CTNNA1: variants seen among roughly 807,000 people sequenced by gnomAD.
CTNNA1 encodes the protein catenin alpha 1, also known as catenin alpha-1.
A neutral mutation model predicts 98.4 loss-of-function variants in CTNNA1; 37 were observed. The observed-to-expected ratio is 0.38, with a 90% CI of 0.29 to 0.49. CTNNA1 has a LOEUF of 0.49. Among genes scored for constraint, CTNNA1 ranks in the 20% least tolerant of loss-of-function variants. CTNNA1 has a pLI of 0.95. For synonymous variants in CTNNA1, 404 were observed against 413.2 expected (o/e 0.98, Z 0.27); for missense variants, 761 against 1,147.2 (o/e 0.66, Z 4.86).
In CTNNA1 at chr5:138,873,644, A is replaced by G. The variant is rs1488687473; in HGVS notation, c.1063-12568A>G. 5 of 1,613,952 alleles carry G rather than the reference A, an allele frequency of 3.1e-6. No homozygotes were observed. Among genetic ancestry groups the G allele is most frequent in the Non-Finnish European group, 4.2e-6 (5 of 1,179,906 alleles). Reference sequence around the variant, plus strand: ...TTCCCACAGATTGCCAGAGAGACCAACGGTTGTGAGGGATCTCAGGGAGTT... The same window carrying G: ...TTCCCACAGATTGCCAGAGAGACCAGCGGTTGTGAGGGATCTCAGGGAGTT... On this transcript the variant is annotated intron_variant, in intron 7 of 17. Transcript: ENST00000302763. This position sits in a 1 kb window ranked among gnomAD's most constrained non-coding sequence, Gnocchi z 6.1.
At chr5:138,788,942 T>G (rs1170350122) in intron 3 of CTNNA1, among the ~76,000 whole-genome samples, 1 of 152,252 alleles carries the variant, frequency 6.6e-6, no homozygotes, top group African/African-American at 2.4e-5. Context: ...TGGGCATTTC[T>G]GGGTCAGTGA....
At chr5:138,795,890 C>G (rs897217214) in intron 3 of CTNNA1, among the ~76,000 whole-genome samples, 1 of 152,040 alleles carries the variant, frequency 6.6e-6, no homozygotes, top group African/African-American at 2.4e-5. Flanking sequence ...AATTTTGTAT[C>G]CTAGAGATGA....
chr5:138,757,898 C>G (rs1212473139), intron 1 of CTNNA1, among the ~76,000 whole-genome samples: 1 of 152,222 alleles, frequency 6.6e-6, no homozygotes, highest in African/African-American at 2.4e-5. Context: ...TTTGGGCAAA[C>G]TGAGAACCAT....
At position 138,812,409 on chromosome 5, in the gene CTNNA1, A is replaced by C. The variant is rs958346750; in HGVS notation, c.588+107A>C. On this transcript the variant is annotated intron_variant, in intron 5 of 17. Transcript: ENST00000302763. Reference sequence around the variant, plus strand: ...AGTACCATTACTTACCTTCGCCAATATAGTTCCATTAAAACATTTAAACTA... The same window carrying C: ...AGTACCATTACTTACCTTCGCCAATCTAGTTCCATTAAAACATTTAAACTA... 2.0e-5 allele frequency: 25 copies of C among 1,229,034 alleles called. No homozygotes were observed. In the African/African-American group the frequency reaches 2.8e-4, roughly 14 times the overall value. 76.1% of individuals were successfully genotyped at this position (1,229,034 alleles called of 1,614,324 possible).
chr5:138,781,510 C>T (rs974273812), intron 1 of CTNNA1, among the ~76,000 whole-genome samples: 10 of 150,798 alleles, frequency 6.6e-5, no homozygotes, highest in Admixed American at 4.0e-4. Flanking sequence ...GAGCTGAGAT[C>T]CACCACTGCC....
intron 7 of CTNNA1, among the ~76,000 whole-genome samples, chr5:138,864,139 G>A (rs533541600): frequency 8.5e-5 from 13 of 152,290 alleles, no homozygotes; most frequent in African/African-American, 2.9e-4. Context: ...TGTATTTTTA[G>A]TAGAGACAGG....
intron 7 of CTNNA1, among the ~76,000 whole-genome samples, chr5:138,838,883 G>A (rs1401967128): frequency 6.6e-6 from 1 of 151,720 alleles, no homozygotes; most frequent in African/African-American, 2.4e-5. Flanking sequence ...CTCCCACCTC[G>A]GCCTCCCAAA....
At chr5:138,845,516 C>T (rs1031248964) in intron 7 of CTNNA1, among the ~76,000 whole-genome samples, 3 of 152,282 alleles carry the variant, frequency 2.0e-5, no homozygotes, top group South Asian at 4.1e-4. Context: ...TAGATAGTAT[C>T]GACTAAGACA....
At chr5:138,838,025 C>G (rs917551302) in intron 7 of CTNNA1, among the ~76,000 whole-genome samples, 1 of 152,216 alleles carries the variant, frequency 6.6e-6, no homozygotes, top group African/African-American at 2.4e-5. Context: ...AATCAGCTCC[C>G]CAGTAGCTGG....
Position 138,934,047 on chromosome 5 carries a change from G to T in CTNNA1, c.2679G>T (p.Pro893=), listed in dbSNP as rs1059181. The change falls in exon 18 of 18, where the codon CCG becomes CCT. Residue 893 remains proline, a synonymous_variant. Coordinates refer to ENST00000302763, the MANE Select transcript of CTNNA1 (RefSeq NM_001903.5). ...CATCTCAGAAGAAGCACGTGAACCC[G>T]GTGCAGGCCCTCAGCGAGTTCAAAG... The part of the protein sequence containing the change: ...KRASQKKHVN[P]VQALSEFKAM... The T allele has an allele frequency of 6.2e-7, 1 of 1,613,624 alleles. No individual in the cohort carries two copies.
chr5:138,891,511 A>T (rs1051336795), intron 9 of CTNNA1, among the ~76,000 whole-genome samples: 1 of 152,202 alleles, frequency 6.6e-6, no homozygotes, highest in African/African-American at 2.4e-5. Context: ...CTGTAATCCT[A>T]ACATTTTTGG....
At chr5:138,758,899 C>G (rs541652084) in intron 1 of CTNNA1, among the ~76,000 whole-genome samples, 1 of 151,018 alleles carries the variant, frequency 6.6e-6, no homozygotes, top group East Asian at 2.0e-4. Flanking sequence ...TGCCTCCTGG[C>G]TTTAAGCGAT....
Position 138,933,987 on chromosome 5 carries a change from G to T in CTNNA1, c.2619G>T (p.Glu873Asp), listed in dbSNP as rs376239375. The T allele has an allele frequency of 2.5e-6, 4 of 1,614,162 alleles. No individual in the cohort carries two copies. Among genetic ancestry groups the T allele is most frequent in the Non-Finnish European group, 3.4e-6 (4 of 1,180,030 alleles). The change falls in exon 18 of 18, where the codon GAG (glutamate) becomes GAT (aspartate). Residue 873 changes from glutamate (E) to aspartate (D), a missense_variant. By Grantham distance (45) the Glu-to-Asp change is conservative. Coordinates refer to ENST00000302763, the MANE Select transcript of CTNNA1 (RefSeq NM_001903.5). ...AGAAAAAGCCATTGGTGAAGAGAGA[G>T]AAACAGGATGAGACACAGACCAAGA... Reference protein sequence around the residue: ...APEKKPLVKREKQDETQTKIK... With the variant: ...APEKKPLVKRDKQDETQTKIK...
intron 3 of CTNNA1, among the ~76,000 whole-genome samples, chr5:138,784,633 C>G (rs1755475145): frequency 6.6e-6 from 1 of 152,142 alleles, no homozygotes. Flanking sequence ...TTATTACAAG[C>G]TTGGTGGCTT....
intron 3 of CTNNA1, among the ~76,000 whole-genome samples, chr5:138,787,477 AAG>A (rs1755837962): frequency 6.6e-6 from 1 of 152,058 alleles, no homozygotes; most frequent in Non-Finnish European, 1.5e-5. Flanking sequence ...TTGATTTGGG[AAG>A]CAGCTATAGA....
At chr5:138,759,103 A>T (rs1033804546) in intron 1 of CTNNA1, among the ~76,000 whole-genome samples, 7 of 152,298 alleles carry the variant, frequency 4.6e-5, no homozygotes, top group Admixed American at 2.0e-4. Context: ...GTGCCCAGCA[A>T]CTGGGACAGT....
chr5:138,886,659 A>G (rs759381566), intron 8 of CTNNA1, among the ~76,000 whole-genome samples: 2 of 152,174 alleles, frequency 1.3e-5, no homozygotes, highest in African/African-American at 2.4e-5. Flanking sequence ...GACTTGCCCT[A>G]TACTCATTAC....
At chr5:138,806,973 A>G (rs2149718683) in intron 3 of CTNNA1, among the ~76,000 whole-genome samples, 1 of 151,870 alleles carries the variant, frequency 6.6e-6, no homozygotes, top group African/African-American at 2.4e-5. Flanking sequence ...ACAGAATTTT[A>G]AAAATATGTG....
At chr5:138,799,892 G>GTATGTATGTATGTA (rs1457322147) in intron 3 of CTNNA1, among the ~76,000 whole-genome samples, 3 of 138,960 alleles carry the variant, frequency 2.2e-5, no homozygotes, top group Non-Finnish European at 1.5e-5. Context: ...ATGTATGTAT[G>GTATGTATGTATGTA]TGTGTGTGTA....
Sources: allele counts gnomAD v4.1 joint callset (sites outside exome capture counted in the v4.1 genomes callset), GRCh38; gene constraint gnomAD v4.1.1; non-coding constraint Gnocchi (gnomAD v3.1); transcripts MANE v1.5; gene names NCBI Gene and HGNC (gene_info 2026-07-23, HGNC 2026-07-21).